Variants in CTNNA3 observed in about 807,000 individuals in gnomAD.
CTNNA3 encodes catenin alpha-3.
In CTNNA3, 76 loss-of-function variants were observed where a neutral mutation model predicts 95.7. The ratio of observed to expected loss-of-function variants is 0.79; its 90% CI spans 0.66 to 0.96. The LOEUF is 0.96. CTNNA3 is among the 40% of genes least tolerant of loss of function. The pLI, the probability that CTNNA3 is intolerant of heterozygous loss-of-function variation, is 0.00. For missense variants in CTNNA3, 1,191 were observed against 1,089.8 expected (o/e 1.09, Z -1.31); for synonymous variants, 431 against 374.4 (o/e 1.15, Z -1.74).
intron 7 of CTNNA3, among the ~76,000 whole-genome samples, chr10:66,850,410 T>G (rs1843443668): frequency 6.6e-6 from 1 of 152,154 alleles, no homozygotes; most frequent in Non-Finnish European, 1.5e-5. Context: ...CTCTTCAAAT[T>G]TAAGAGTTGG....
At chr10:66,981,000 G>A (rs552657360) in intron 7 of CTNNA3, among the ~76,000 whole-genome samples, 6 of 152,094 alleles carry the variant, frequency 3.9e-5, no homozygotes, top group African/African-American at 9.6e-5. Flanking sequence ...TCCACCTCCC[G>A]GGTTCAAGTG....
At chr10:66,670,794 G>C (rs1444610770) in intron 9 of CTNNA3, among the ~76,000 whole-genome samples, 1 of 152,170 alleles carries the variant, frequency 6.6e-6, no homozygotes, top group Non-Finnish European at 1.5e-5. Flanking sequence ...TCTGAATTCT[G>C]TCTACCACAG....
chr10:65,931,387 A>G (rs2077250204), intron 17 of CTNNA3, among the ~76,000 whole-genome samples: 1 of 152,238 alleles, frequency 6.6e-6, no homozygotes, highest in Non-Finnish European at 1.5e-5. Context: ...GTTTAAACAT[A>G]GGTTAAGCAG....
At position 66,563,923 on chromosome 10, in the gene CTNNA3, G is replaced by A. The variant is rs554352355; in HGVS notation, c.1375-43150C>T. ...CCACCTCCCCACTTTGAGTTATCCC[G>A]CTTTTCCAGACCAAACCAATGTACA... On this transcript the variant is annotated intron_variant, in intron 10 of 17. Coordinates refer to ENST00000433211, the MANE Select transcript of CTNNA3 (RefSeq NM_013266.4). Among the ~76,000 whole-genome samples, 94 of 152,048 alleles carry A rather than the reference G, an allele frequency of 6.2e-4. 1 individual carries two copies. Among genetic ancestry groups the A allele is most frequent in the Admixed American group, 4.4e-3 (67 of 15,272 alleles).
chr10:66,086,325 G>C (rs1316232741), intron 14 of CTNNA3, among the ~76,000 whole-genome samples: 3 of 152,082 alleles, frequency 2.0e-5, no homozygotes, highest in African/African-American at 4.8e-5. Flanking sequence ...AGGGTGTTTG[G>C]AGGAATCTTT....
At chr10:66,306,964 TAAC>T in intron 12 of CTNNA3, among the ~76,000 whole-genome samples, 1 of 152,308 alleles carries the variant, frequency 6.6e-6, no homozygotes, top group East Asian at 1.9e-4. Context: ...CCTAAATTAC[TAAC>T]AACAAAAAAA....
At chr10:67,629,460 G>A (rs1909656) in intron 2 of CTNNA3, among the ~76,000 whole-genome samples, 2,843 of 152,308 alleles carry the variant, frequency 0.019, 94 homozygotes, top group African/African-American at 0.065. Flanking sequence ...GCTGGTTTGG[G>A]AGCACAAGTG....
At chr10:67,581,070 C>A (rs771229300) in intron 3 of CTNNA3, among the ~76,000 whole-genome samples, 1 of 152,110 alleles carries the variant, frequency 6.6e-6, no homozygotes, top group East Asian at 1.9e-4. Flanking sequence ...TGCCTGATTG[C>A]CCTGGCCAGA....
At chr10:66,100,865 G>A (rs559549928) in intron 14 of CTNNA3, among the ~76,000 whole-genome samples, 9 of 152,292 alleles carry the variant, frequency 5.9e-5, no homozygotes, top group South Asian at 4.1e-4. Flanking sequence ...GTGATGCTGT[G>A]AGAAACTATG....
chr10:66,023,491 C>A (rs1238445322), intron 15 of CTNNA3, among the ~76,000 whole-genome samples: 2 of 152,056 alleles, frequency 1.3e-5, no homozygotes, highest in Non-Finnish European at 2.9e-5. Flanking sequence ...AGCACCTGGT[C>A]TCTCTATTTC....
chr10:67,033,020 G>A (rs955116827), intron 7 of CTNNA3, among the ~76,000 whole-genome samples: 3 of 152,050 alleles, frequency 2.0e-5, no homozygotes, highest in African/African-American at 4.8e-5. Context: ...TTATTTTACA[G>A]TACTTTTACC....
chr10:67,501,868 C>T (rs1381517576), intron 5 of CTNNA3, among the ~76,000 whole-genome samples: 1 of 152,046 alleles, frequency 6.6e-6, no homozygotes, highest in African/African-American at 2.4e-5. Flanking sequence ...ATTCCTCTAA[C>T]CTTTTTTCAA....
Position 66,283,288 on chromosome 10 carries a change from C to T in CTNNA3, c.1733-2667G>A, listed in dbSNP as rs566829735. Among the ~76,000 whole-genome samples, 9 of 151,824 alleles carry T rather than the reference C, an allele frequency of 5.9e-5. No homozygotes were observed. In the East Asian group the frequency reaches 1.6e-3, roughly 26 times the overall value. On this transcript the variant is annotated intron_variant, in intron 12 of 17. Coordinates refer to ENST00000433211, the MANE Select transcript of CTNNA3 (RefSeq NM_013266.4). ...GTCCTCAAAACCTGTAGGGACCTGTCGGCTACATAACTTTATTCATAGTCA... is the reference window on the plus strand; with the variant it reads ...GTCCTCAAAACCTGTAGGGACCTGTTGGCTACATAACTTTATTCATAGTCA...
At chr10:66,597,880 A>T (rs1473456323) in intron 10 of CTNNA3, among the ~76,000 whole-genome samples, 1 of 152,020 alleles carries the variant, frequency 6.6e-6, no homozygotes, top group Non-Finnish European at 1.5e-5. Flanking sequence ...GGAGTTATTT[A>T]ATATTTTATT....
At chr10:66,425,580 C>A (rs546714822) in intron 11 of CTNNA3, among the ~76,000 whole-genome samples, 16 of 152,000 alleles carry the variant, frequency 1.1e-4, no homozygotes, top group Admixed American at 5.9e-4. Context: ...ACTAATGGAA[C>A]CTTCCTCTTC....
rs575345744 is a variant in CTNNA3 at position 67,269,624 on chromosome 10, T to G, written c.580-49754A>C. Among the ~76,000 whole-genome samples the G allele has an allele frequency of 3.9e-5, 6 of 152,144 alleles. No individual in the cohort carries two copies. The South Asian group carries it at 6.2e-4, about 16-fold the overall frequency. On this transcript the variant is annotated intron_variant, in intron 5 of 17. Transcript: ENST00000433211. The stretch of plus-strand genomic sequence containing the variant: ...AATAAAGTAAATGTGAAAATTTCCC[T>G]TACTTATTTCCAAACAAGTGCTCCT...
chr10:66,012,259 G>A (rs2079018702), intron 15 of CTNNA3, among the ~76,000 whole-genome samples: 1 of 152,152 alleles, frequency 6.6e-6, no homozygotes, highest in Non-Finnish European at 1.5e-5. Context: ...GCTAATAGAT[G>A]TAAGGTGAAA....
intron 9 of CTNNA3, among the ~76,000 whole-genome samples, chr10:66,705,443 T>C (rs938844655): frequency 6.6e-6 from 1 of 152,064 alleles, no homozygotes; most frequent in African/African-American, 2.4e-5. Context: ...TAGGTACTAT[T>C]TCTTACTTAA....
chr10:66,088,884 C>G, intron 14 of CTNNA3, among the ~76,000 whole-genome samples: 1 of 152,004 alleles, frequency 6.6e-6, no homozygotes, highest in Admixed American at 6.6e-5. Flanking sequence ...TGTAATAGGG[C>G]CTATGCCCAG....
Sources: gnomAD v4.1 joint callset for allele counts (sites outside exome capture counted in the v4.1 genomes callset) on GRCh38, gnomAD v4.1.1 for gene constraint, MANE v1.5 for transcripts, NCBI Gene and HGNC (gene_info 2026-07-23, HGNC 2026-07-21) for gene names.